The following CAV3 variants were observed in gnomAD, a reference collection of about 807,000 sequenced individuals.
CAV3 encodes caveolin 3, also known as caveolin-3.
CAV3 carries 10 observed loss-of-function variants against 13.4 expected under a neutral mutation model. The ratio of observed to expected loss-of-function variants is 0.75; its 90% confidence interval spans 0.46 to 1.27. The LOEUF (loss-of-function observed/expected upper bound fraction) is 1.27, where lower values mean the gene tolerates loss of function less well. Ranked by LOEUF, CAV3 falls within the 50% of genes most tolerant of loss-of-function variation. The probability of loss-of-function intolerance (pLI) is 0.00; values close to 1 mark genes in which losing one functional copy is unlikely to be tolerated. For missense variants in CAV3, 162 were observed against 194.0 expected (o/e 0.83, Z 0.98); for synonymous variants, 90 against 79.0 (o/e 1.14, Z -0.74).
intron 1 of CAV3, among the ~76,000 whole-genome samples, chr3:8,739,311 G>C (rs1049887071): frequency 2.0e-5 from 3 of 152,104 alleles, no homozygotes; most frequent in Admixed American, 6.5e-5. Flanking sequence ...TAATGTTTGA[G>C]CATAAAAGTT....
chr3:8,738,058 T>C (rs374432735), intron 1 of CAV3, among the ~76,000 whole-genome samples: 1 of 149,306 alleles, frequency 6.7e-6, no homozygotes, highest in African/African-American at 2.4e-5. Flanking sequence ...CTCTCTCTCC[T>C]CTCTCTCTCT....
At position 8,744,604 on chromosome 3, in the gene CAV3, C is replaced by A. The variant is rs151221492; in HGVS notation, c.115-922C>A. Among the ~76,000 whole-genome samples, 5 of 152,150 alleles carry A rather than the reference C, an allele frequency of 3.3e-5. No individual in the cohort carries two copies. The East Asian group carries it at 9.7e-4, about 29-fold the overall frequency. ...ACAAGACAGCTGAGGCTTAGTGATG[C>A]TAAGTGACATCACCCATGTGTAGGC... On this transcript the variant is annotated intron_variant, in intron 1 of 1. Transcript: ENST00000343849.
In CAV3 at chr3:8,745,743, T is replaced by A. The variant is rs1307088286; in HGVS notation, c.332T>A (p.Leu111Gln). Reference protein sequence around the residue: ...WAVVPCIKSYLIEIQCISHIY... With the variant: ...WAVVPCIKSYQIEIQCISHIY... Reference sequence around the variant, plus strand: ...GTGGTGCCATGCATTAAGAGCTACCTGATCGAGATCCAGTGCATCAGCCAC... The same window carrying A: ...GTGGTGCCATGCATTAAGAGCTACCAGATCGAGATCCAGTGCATCAGCCAC... The change falls in exon 2 of 2, where the codon CTG (leucine) becomes CAG (glutamine). Residue 111 changes from leucine to glutamine, a missense_variant. Coordinates refer to ENST00000343849, the MANE Select transcript of CAV3 (RefSeq NM_033337.3). The surrounding 1 kb of genome is among the most constrained non-coding windows in gnomAD (Gnocchi z 4.8). 1 of 1,614,080 alleles carries A rather than the reference T, an allele frequency of 6.2e-7. No homozygotes were observed. The highest frequency in any genetic ancestry group is 1.7e-5 in the Admixed American group (1 of 60,016).
chr3:8,735,179 A>G (rs998716572), intron 1 of CAV3, among the ~76,000 whole-genome samples: 3 of 152,248 alleles, frequency 2.0e-5, no homozygotes, highest in African/African-American at 7.2e-5. Flanking sequence ...TGTTACCACA[A>G]GGAATTTAAA....
rs200936371 is a variant in CAV3 at position 8,745,482 on chromosome 3, G to T, written c.115-44G>T. On this transcript the variant is annotated intron_variant, in intron 1 of 1. Transcript: ENST00000343849. The surrounding 1 kb of genome is among the most constrained non-coding windows in gnomAD (Gnocchi z 4.8). ...GCACACACCCAAAAGCTTGAGAAGC[G>T]GGTGGCTTCTGTGAGTTGAGGCTTC... 8.7e-7 allele frequency: 1 copy of T among 1,146,870 alleles called. No homozygotes were observed. Among genetic ancestry groups the T allele is most frequent in the South Asian group, 1.2e-5 (1 of 82,214 alleles). 71.0% of individuals were successfully genotyped at this position (1,146,870 alleles called of 1,614,324 possible).
intron 1 of CAV3, among the ~76,000 whole-genome samples, chr3:8,741,541 A>C (rs1707958622): frequency 6.6e-6 from 1 of 152,140 alleles, no homozygotes; most frequent in Non-Finnish European, 1.5e-5. Flanking sequence ...TGTAGAGTTG[A>C]AAAAAGAAAA....
intron 1 of CAV3, among the ~76,000 whole-genome samples, chr3:8,742,294 A>T (rs1316884210): frequency 1.3e-5 from 2 of 151,432 alleles, no homozygotes; most frequent in East Asian, 3.9e-4. Flanking sequence ...CTTGCCCCAC[A>T]CACAGCACCC....
At position 8,733,918 on chromosome 3, in the gene CAV3, C is replaced by G; in HGVS notation, c.42C>G (p.Val14=). 1 of 1,613,524 alleles carries G rather than the reference C, an allele frequency of 6.2e-7. No individual in the cohort carries two copies. Among genetic ancestry groups the G allele is most frequent in the Non-Finnish European group, 8.5e-7 (1 of 1,179,554 alleles). Residue 14 remains valine (V), a synonymous_variant, in exon 1 of 2, where the codon GTC becomes GTG. Transcript: ENST00000343849. The part of the protein sequence containing the change: ...EEHTDLEAQI[V]KDIHCKEIDL... ...ACACAGATCTCGAGGCCCAGATCGT[C>G]AAGGATATCCACTGCAAGGAGATTG...
In CAV3 at chr3:8,734,020, G is replaced by A. The variant is rs201711000; in HGVS notation, c.114+30G>A. The A allele has an allele frequency of 6.0e-5, 81 of 1,340,702 alleles. No homozygotes were observed. In the South Asian group the frequency reaches 6.1e-4, roughly 10 times the overall value. The allele number at this position is 1,340,702 out of a possible 1,614,324, so 83.1% of individuals were successfully genotyped here. On this transcript the variant is annotated intron_variant, in intron 1 of 1. Transcript: ENST00000343849. ...GCTCTGCAGGCCTGCCTCGGCGGGC[G>A]GAGAGTGTCAGGTTTGCGAGACGTG...
At position 8,736,942 on chromosome 3, in the gene CAV3, A is replaced by C. The variant is rs13061909; in HGVS notation, c.114+2952A>C. 2.0e-5 allele frequency among the ~76,000 whole-genome samples: 3 copies of C among 152,268 alleles called. No homozygotes were observed. The South Asian group carries it at 6.2e-4, about 32-fold the overall frequency. Reference sequence around the variant, plus strand: ...AAAGCAGACTCAGATATAGATCACAAACAGGTTTAGGTAGATTTCAGGTCT... The same window carrying C: ...AAAGCAGACTCAGATATAGATCACACACAGGTTTAGGTAGATTTCAGGTCT... On this transcript the variant is annotated intron_variant, in intron 1 of 1. Transcript: ENST00000343849.
At position 8,745,510 on chromosome 3, in the gene CAV3, C is replaced by G; in HGVS notation, c.115-16C>G. 6.2e-7 allele frequency: 1 copy of G among 1,606,292 alleles called. No individual in the cohort carries two copies. The highest frequency in any genetic ancestry group is 8.5e-7 in the Non-Finnish European group (1 of 1,173,024). ...TGGCTTCTGTGAGTTGAGGCTTCCCCTTGCCACCCCTGCAGGTGGATTTTG... is the reference window on the plus strand; with the variant it reads ...TGGCTTCTGTGAGTTGAGGCTTCCCGTTGCCACCCCTGCAGGTGGATTTTG... On this transcript the variant is annotated splice_polypyrimidine_tract_variant and intron_variant, in intron 1 of 1. Transcript: ENST00000343849. The surrounding 1 kb of genome is among the most constrained non-coding windows in gnomAD (Gnocchi z 4.8).
At chr3:8,744,592 G>A (rs1012775351) in intron 1 of CAV3, among the ~76,000 whole-genome samples, 1 of 151,858 alleles carries the variant, frequency 6.6e-6, no homozygotes, top group African/African-American at 2.4e-5. Flanking sequence ...AGACAGCTGA[G>A]GCTTAGTGAT....
Position 8,733,833 on chromosome 3 carries a change from C to A in CAV3, c.-44C>A. 1 of 1,231,722 alleles carries A rather than the reference C, an allele frequency of 8.1e-7. No individual in the cohort carries two copies. The highest frequency in any genetic ancestry group is 1.2e-6 in the Non-Finnish European group (1 of 833,266). 76.3% of individuals were successfully genotyped at this position (1,231,722 alleles called of 1,614,324 possible). On this transcript the variant is annotated 5_prime_UTR_variant, in exon 1 of 2. Transcript: ENST00000343849. Reference sequence around the variant, plus strand: ...CCCAAGTATTTTCAGCCCCAGCCGGCCACACAGCTCGGATCTCCTCCTGTG... The same window carrying A: ...CCCAAGTATTTTCAGCCCCAGCCGGACACACAGCTCGGATCTCCTCCTGTG...
chr3:8,735,083 G>A (rs969729048), intron 1 of CAV3, among the ~76,000 whole-genome samples: 2 of 152,156 alleles, frequency 1.3e-5, no homozygotes, highest in African/African-American at 2.4e-5. Context: ...GTCACTGGAG[G>A]GGCTGTTAAG....
chr3:8,742,280 A>G (rs1203257990), intron 1 of CAV3, among the ~76,000 whole-genome samples: 2 of 151,842 alleles, frequency 1.3e-5, no homozygotes, highest in Non-Finnish European at 2.9e-5. Flanking sequence ...CAGAAAATAG[A>G]GCACTTGCCC....
chr3:8,742,736 G>A (rs971172902), intron 1 of CAV3: 11 of 300,270 alleles, frequency 3.7e-5, no homozygotes, highest in African/African-American at 6.7e-5. Flanking sequence ...GTGTGGGTGG[G>A]TGGATGGATG....
Position 8,745,843 on chromosome 3 carries a change from G to A in CAV3, c.432G>A (p.Lys144=). The A allele has an allele frequency of 6.2e-7, 1 of 1,613,048 alleles. No homozygotes were observed. Among genetic ancestry groups the A allele is most frequent in the Non-Finnish European group, 8.5e-7 (1 of 1,179,736 alleles). The change falls in exon 2 of 2, where the codon AAG becomes AAA. Residue 144 remains lysine, a synonymous_variant. Coordinates refer to ENST00000343849, the MANE Select transcript of CAV3 (RefSeq NM_033337.3). The surrounding 1 kb of genome is among the most constrained non-coding windows in gnomAD (Gnocchi z 4.8). ...TGGGCCAGGTCTGCAGCAGCATCAA[G>A]GTGGTGCTGCGGAAGGAGGTCTAAA... ...AALGQVCSSI[K]VVLRKEV
intron 1 of CAV3, among the ~76,000 whole-genome samples, chr3:8,737,117 G>A (rs1226577836): frequency 6.6e-6 from 1 of 152,144 alleles, no homozygotes; most frequent in East Asian, 1.9e-4. Context: ...AGGGAATGAG[G>A]GAGACAGAGA....
intron 1 of CAV3, among the ~76,000 whole-genome samples, chr3:8,736,266 T>A (rs990247533): frequency 6.6e-6 from 1 of 152,162 alleles, no homozygotes; most frequent in Non-Finnish European, 1.5e-5. Flanking sequence ...GGGAATAATA[T>A]CATTTCCCAA....
Sources: gnomAD v4.1 joint callset for allele counts (sites outside exome capture counted in the v4.1 genomes callset) on GRCh38, gnomAD v4.1.1 for gene constraint, Gnocchi (gnomAD v3.1) non-coding constraint, MANE v1.5 for transcripts, NCBI Gene and HGNC (gene_info 2026-07-23, HGNC 2026-07-21) for gene names.